Variants in ANGEL1 observed in about 807,000 individuals in gnomAD.
The protein encoded by ANGEL1 is RNA 2',3'-cyclic phosphatase ANGEL1.
A neutral mutation model predicts 76.4 loss-of-function variants in ANGEL1; 62 were observed. The ratio of observed to expected loss-of-function variants is 0.81; its 90% CI spans 0.66 to 1.00. The LOEUF (loss-of-function observed/expected upper bound fraction) is 1.00. ANGEL1 is among the 50% of genes least tolerant of loss of function. The probability of loss-of-function intolerance (pLI) is 0.00; values close to 1 mark genes in which losing one functional copy is unlikely to be tolerated. For missense variants in ANGEL1, 737 were observed against 836.7 expected (o/e 0.88, Z 1.47); for synonymous variants, 340 against 331.7 (o/e 1.03, Z -0.27).
At chr14:76,808,630 C>T (rs1355895039) in intron 2 of ANGEL1, among the ~76,000 whole-genome samples, 1 of 152,128 alleles carries the variant, frequency 6.6e-6, no homozygotes, top group African/African-American at 2.4e-5. Flanking sequence ...TCTATTGACG[C>T]CATTCTTCAA....
At chr14:76,808,544 G>C (rs948109702) in intron 2 of ANGEL1, among the ~76,000 whole-genome samples, 1 of 151,896 alleles carries the variant, frequency 6.6e-6, no homozygotes, top group East Asian at 1.9e-4. Context: ...CCTAAACCTG[G>C]AAGAGTCTGT....
chr14:76,804,664 G>A (rs1202384016), intron 5 of ANGEL1, among the ~76,000 whole-genome samples: 2 of 152,230 alleles, frequency 1.3e-5, no homozygotes, highest in Non-Finnish European at 2.9e-5. Flanking sequence ...CTTAATAGCT[G>A]TGTGACTTTT....
chr14:76,794,854 C>A (rs1217701269), intron 7 of ANGEL1, among the ~76,000 whole-genome samples: 1 of 152,078 alleles, frequency 6.6e-6, no homozygotes, highest in African/African-American at 2.4e-5. Flanking sequence ...TTGTACCTAT[C>A]TACCTTCCAG....
In ANGEL1 at chr14:76,788,863, T is replaced by C; in HGVS notation, c.*365A>G. The C allele has an allele frequency of 4.7e-6, 1 of 214,820 alleles. No individual in the cohort carries two copies. The highest frequency in any genetic ancestry group is 9.3e-6 in the Non-Finnish European group (1 of 107,338). The allele number at this position is 214,820 out of a possible 1,614,324, so 13.3% of individuals were successfully genotyped here. On this transcript the variant is annotated 3_prime_UTR_variant, in exon 10 of 10. Coordinates refer to ENST00000251089, the MANE Select transcript of ANGEL1 (RefSeq NM_015305.4). ...GCAGGGAAAAGGTCAGGTCAGAAGG[T>C]ACATCAAGAAACGGCCTGAAAGCAA...
chr14:76,802,754 T>TCC (rs963424761), intron 7 of ANGEL1, among the ~76,000 whole-genome samples: 1 of 152,036 alleles, frequency 6.6e-6, no homozygotes, highest in African/African-American at 2.4e-5. Flanking sequence ...GATCCACATA[T>TCC]CCCCACAGAT....
chr14:76,806,361 C>T (rs1300025749), intron 5 of ANGEL1, 55 bp downstream of exon 5: 12 of 1,548,082 alleles, frequency 7.8e-6, no homozygotes, highest in Non-Finnish European at 1.1e-5. Context: ...GATGCTAACG[C>T]CTGAATCTCT....
chr14:76,803,675 G>T, intron 6 of ANGEL1, 111 bp downstream of exon 6: 1 of 1,471,250 alleles, frequency 6.8e-7, no homozygotes. Flanking sequence ...GAAAACAGAG[G>T]AATCTGCTAA....
chr14:76,803,463 C>T lies in ANGEL1; in HGVS notation c.1526G>A (p.Arg509Gln), dbSNP rs781056502. 5.0e-6 allele frequency: 8 copies of T among 1,614,038 alleles called. 1 individual carries two copies. The highest frequency in any genetic ancestry group is 3.3e-5 in the Admixed American group (2 of 60,004). ...GAAGCGGAAACGTAGCAGGAAGTCT[C>T]GGCCATACTTGCGTCTCTCTGTAAA... ...PKRSERRKYG[R>Q]DFLLRFRFCS... The change falls in exon 7 of 10, where the codon CGA becomes CAA. Residue 509 changes from arginine to glutamine, a missense_variant. Physicochemically the swap from Arg to Gln is conservative, Grantham distance 43. This residue lies in a region of ANGEL1 where 296 missense variants were observed against 387.2 expected (regional missense o/e 0.76). Coordinates refer to ENST00000251089, the MANE Select transcript of ANGEL1 (RefSeq NM_015305.4).
chr14:76,809,682 A>C (rs558010368), intron 1 of ANGEL1, 39 bp from the exon 2 acceptor site: 2 of 1,534,210 alleles, frequency 1.3e-6, no homozygotes, highest in African/African-American at 2.7e-5. Context: ...TAAGACTGTC[A>C]TCCAACCCAC....
intron 7 of ANGEL1, among the ~76,000 whole-genome samples, chr14:76,795,611 A>G (rs1317194238): frequency 1.3e-5 from 2 of 152,200 alleles, no homozygotes; most frequent in Admixed American, 6.5e-5. Flanking sequence ...GACATTCCCT[A>G]TCAATCTGAG....
intron 7 of ANGEL1, among the ~76,000 whole-genome samples, chr14:76,791,586 G>C (rs1894406812): frequency 6.6e-6 from 1 of 152,142 alleles, no homozygotes; most frequent in Admixed American, 6.5e-5. Context: ...ATTGTCTTCT[G>C]TGGCTCCTCA....
intron 7 of ANGEL1, 97 bp from the exon 8 acceptor site, chr14:76,791,463 G>T: frequency 8.7e-7 from 1 of 1,147,880 alleles, no homozygotes; most frequent in Non-Finnish European, 1.3e-6. Flanking sequence ...TCCTTGACTG[G>T]ATTGCTTCAG....
At position 76,806,631 on chromosome 14, in the gene ANGEL1, C is replaced by T; in HGVS notation, c.1165G>A (p.Ala389Thr). Residue 389 changes from alanine (A) to threonine (T), a missense_variant, in exon 5 of 10, where the codon GCA becomes ACA. By Grantham distance (58) the Ala-to-Thr change is moderately conservative (BLOSUM62 0). This residue lies in a region of ANGEL1 where 296 missense variants were observed against 387.2 expected (regional missense o/e 0.76). Transcript: ENST00000251089. The stretch of plus-strand genomic sequence containing the variant: ...GGGTTGTAAAGGATATGGGTATTTG[C>T]CACACACAGCGGGGCCACCGAGACT... ...GQVSVAPLCV[A>T]NTHILYNPRR... 5 of 1,610,724 alleles carry T rather than the reference C, an allele frequency of 3.1e-6. No individual in the cohort carries two copies. Among genetic ancestry groups the T allele is most frequent in the Non-Finnish European group, 4.2e-6 (5 of 1,178,890 alleles).
Position 76,808,199 on chromosome 14 carries a change from G to A in ANGEL1, c.650-51C>T. 7 of 1,509,788 alleles carry A rather than the reference G, an allele frequency of 4.6e-6. 1 individual carries two copies. Among genetic ancestry groups the A allele is most frequent in the Middle Eastern group, 3.9e-4 (2 of 5,162 alleles). The allele number at this position is 1,509,788 out of a possible 1,614,324, so 93.5% of individuals were successfully genotyped here. Reference sequence around the variant, plus strand: ...AATGGCAAGTATGAGTAATGCAGAGGTGCTGCCATCTCCACTCCTGACTCA... The same window carrying A: ...AATGGCAAGTATGAGTAATGCAGAGATGCTGCCATCTCCACTCCTGACTCA... On this transcript the variant is annotated intron_variant, in intron 2 of 9. Coordinates refer to ENST00000251089, the MANE Select transcript of ANGEL1 (RefSeq NM_015305.4).
intron 7 of ANGEL1, among the ~76,000 whole-genome samples, chr14:76,800,068 C>A (rs1422309979): frequency 6.6e-6 from 1 of 152,166 alleles, no homozygotes; most frequent in Non-Finnish European, 1.5e-5. Context: ...TTTTGCACCG[C>A]TGGTGAACTG....
chr14:76,810,780 G>C (rs1261349270), intron 1 of ANGEL1, among the ~76,000 whole-genome samples: 2 of 152,214 alleles, frequency 1.3e-5, no homozygotes, highest in Non-Finnish European at 2.9e-5. Flanking sequence ...CAACAGGCAA[G>C]AAAGAAAGTG....
In ANGEL1 at chr14:76,800,669, A is replaced by G. The variant is rs373453822; in HGVS notation, c.1618+2702T>C. Among the ~76,000 whole-genome samples the G allele has an allele frequency of 6.1e-4, 93 of 152,254 alleles. 1 individual carries two copies. Among genetic ancestry groups the G allele is most frequent in the African/African-American group, 2.1e-3 (89 of 41,536 alleles). On this transcript the variant is annotated intron_variant, in intron 7 of 9. Transcript: ENST00000251089. ...CACTGTCTTCTAGAGTTGGATGTCA[A>G]TATTAAGAAGTCCGAAGTCTTCTGA...
intron 5 of ANGEL1, 85 bp downstream of exon 5, chr14:76,806,331 C>A: frequency 7.0e-7 from 1 of 1,434,870 alleles, no homozygotes; most frequent in South Asian, 1.4e-5. Flanking sequence ...TACTGAGGTC[C>A]CTGCCACAGA....
intron 7 of ANGEL1, among the ~76,000 whole-genome samples, chr14:76,802,405 T>C (rs1042921463): frequency 6.6e-6 from 1 of 152,202 alleles, no homozygotes; most frequent in Non-Finnish European, 1.5e-5. Context: ...CAGCTATTTG[T>C]ACAAAGTTTA....
Sources: allele counts gnomAD v4.1 joint callset (sites outside exome capture counted in the v4.1 genomes callset), GRCh38; gene constraint gnomAD v4.1.1; regional missense constraint gnomAD v4.1.1; transcripts MANE v1.5; gene names NCBI Gene and HGNC (gene_info 2026-07-23, HGNC 2026-07-21).